DDX46: variants seen among roughly 807,000 people sequenced by gnomAD.
DDX46 encodes the protein probable ATP-dependent RNA helicase DDX46.
Under a neutral mutation model 134.9 loss-of-function variants are expected in DDX46, and 30 were observed. That is an observed-to-expected ratio of 0.22 (90% confidence interval 0.17 to 0.30). The LOEUF (loss-of-function observed/expected upper bound fraction) is 0.30, where lower values mean the gene tolerates loss of function less well. DDX46 is among the 10% of genes least tolerant of loss of function. The probability of loss-of-function intolerance (pLI) is 1.00; values close to 1 mark genes in which losing one functional copy is unlikely to be tolerated. For synonymous variants in DDX46, 415 were observed against 404.1 expected (o/e 1.03, Z -0.32); for missense variants, 622 against 1,248.7 (o/e 0.50, Z 7.56).
Position 134,830,166 on chromosome 5 carries a change from A to G in DDX46, c.*1460A>G, listed in dbSNP as rs968468953. 1 of 149,510 alleles carries G rather than the reference A, an allele frequency of 6.7e-6. No individual in the cohort carries two copies. Among genetic ancestry groups the G allele is most frequent in the African/African-American group, 2.5e-5 (1 of 40,210 alleles). The allele number at this position is 149,510 out of a possible 1,614,324, so 9.3% of individuals were successfully genotyped here. On this transcript the variant is annotated 3_prime_UTR_variant, in exon 23 of 23. Coordinates refer to ENST00000452510, the MANE Select transcript of DDX46 (RefSeq NM_001300860.2). ...AGATTAAACCAACCACAGATCAAAA[A>G]TAGAAAAAAAAAAAAAAAGAAAAAA...
chr5:134,770,816 CAAAAAA>C, intron 3 of DDX46, 81 bp from the exon 4 acceptor site: 1 of 912,732 alleles, frequency 1.1e-6, no homozygotes, highest in Non-Finnish European at 1.5e-6. Context: ...GACACTGTCT[CAAAAAA>C]AAAAAAAAAA....
intron 13 of DDX46, among the ~76,000 whole-genome samples, chr5:134,794,284 C>T (rs1754588660): frequency 6.6e-6 from 1 of 152,164 alleles, no homozygotes; most frequent in Non-Finnish European, 1.5e-5. Flanking sequence ...TGCTACTGTG[C>T]TACCAGCTGA....
At chr5:134,818,395 A>G (rs1264792993) in intron 20 of DDX46, among the ~76,000 whole-genome samples, 1 of 151,174 alleles carries the variant, frequency 6.6e-6, no homozygotes, top group Admixed American at 6.6e-5. Context: ...CGCCCGGCCA[A>G]TAATGATCTC....
At chr5:134,812,224 C>T (rs184727301) in intron 18 of DDX46, among the ~76,000 whole-genome samples, 9 of 152,030 alleles carry the variant, frequency 5.9e-5, no homozygotes, top group Admixed American at 5.9e-4. Flanking sequence ...ACCACCACGC[C>T]TGGCTAATTT....
At chr5:134,782,214 A>G (rs543852459) in intron 8 of DDX46, 128 bp downstream of exon 8, 9 of 1,071,142 alleles carry the variant, frequency 8.4e-6, no homozygotes, top group Non-Finnish European at 1.2e-5. Context: ...AAAATGATCA[A>G]AAATTAATTG....
chr5:134,813,619 G>T (rs200210757), intron 18 of DDX46, among the ~76,000 whole-genome samples: 28 of 151,686 alleles, frequency 1.8e-4, no homozygotes, highest in Middle Eastern at 6.8e-3. Flanking sequence ...TCTTTATGGG[G>T]TTTTTTTTGT....
intron 9 of DDX46, among the ~76,000 whole-genome samples, chr5:134,783,517 C>T (rs1376314131): frequency 6.6e-6 from 1 of 150,616 alleles, no homozygotes; most frequent in Non-Finnish European, 1.5e-5. Context: ...TCCCAAAGTG[C>T]TGGGATGACA....
At chr5:134,788,677 G>C (rs1052494556) in intron 12 of DDX46, 86 bp downstream of exon 12, 3 of 1,217,132 alleles carry the variant, frequency 2.5e-6, no homozygotes, top group Non-Finnish European at 2.4e-6. Flanking sequence ...ACCAACAAAG[G>C]GTTTCTATAT....
intron 1 of DDX46, among the ~76,000 whole-genome samples, chr5:134,761,067 C>T (rs1222522837): frequency 6.6e-6 from 1 of 152,060 alleles, no homozygotes; most frequent in Non-Finnish European, 1.5e-5. Flanking sequence ...GCTCTGTCTC[C>T]CAGGCTGGAG....
intron 16 of DDX46, among the ~76,000 whole-genome samples, chr5:134,808,370 A>G (rs925401862): frequency 6.6e-6 from 1 of 152,200 alleles, no homozygotes; most frequent in Admixed American, 6.5e-5. Context: ...CTTGGGCATC[A>G]TCATCTAACA....
At position 134,828,711 on chromosome 5, in the gene DDX46, C is replaced by T. The variant is rs367653945; in HGVS notation, c.*5C>T. ...GGAAGATACAAAGTCTTATAGACAT[C>T]CGGAAAAAAGATTTTTACCTGTGCT... On this transcript the variant is annotated 3_prime_UTR_variant, in exon 23 of 23. Transcript: ENST00000452510. 5 of 1,499,052 alleles carry T rather than the reference C, an allele frequency of 3.3e-6. No individual in the cohort carries two copies. The South Asian group carries it at 4.4e-5, about 13-fold the overall frequency. The allele number at this position is 1,499,052 out of a possible 1,614,324, so 92.9% of individuals were successfully genotyped here. A position where few individuals can be genotyped will look rare whatever the true frequency, so the allele number is the denominator to read the frequency against.
At chr5:134,764,177 A>G (rs1753485224) in intron 2 of DDX46, 85 bp downstream of exon 2, 6 of 1,402,156 alleles carry the variant, frequency 4.3e-6, no homozygotes, top group Non-Finnish European at 5.7e-6. Context: ...TATGTTTTCA[A>G]CTGGAGTTTG....
At chr5:134,777,839 C>T in intron 6 of DDX46, 114 bp downstream of exon 6, 2 of 1,271,874 alleles carry the variant, frequency 1.6e-6, no homozygotes, top group South Asian at 1.7e-5. Flanking sequence ...TTTCTTTCTC[C>T]TCATCTGAGA....
intron 2 of DDX46, among the ~76,000 whole-genome samples, chr5:134,766,122 G>A (rs1753559444): frequency 1.3e-5 from 2 of 152,216 alleles, no homozygotes; most frequent in Middle Eastern, 6.8e-3. Flanking sequence ...TCAGATTAGT[G>A]ATCTTTTAGT....
intron 21 of DDX46, among the ~76,000 whole-genome samples, chr5:134,823,728 C>T (rs1242636913): frequency 6.6e-6 from 1 of 152,110 alleles, no homozygotes; most frequent in Non-Finnish European, 1.5e-5. Flanking sequence ...GGATTGCTGA[C>T]CCCTGGGTCT....
At chr5:134,818,736 G>C (rs1161529410) in intron 20 of DDX46, 124 bp from the exon 21 acceptor site, 3 of 258,140 alleles carry the variant, frequency 1.2e-5, no homozygotes, top group African/African-American at 7.0e-5. Context: ...TATATATATG[G>C]AGAGAGAGAG....
At position 134,830,173 on chromosome 5, in the gene DDX46, A is replaced by G. The variant is rs1000396314; in HGVS notation, c.*1467A>G. 2.0e-5 allele frequency: 3 copies of G among 150,892 alleles called. No individual in the cohort carries two copies. Among genetic ancestry groups the G allele is most frequent in the African/African-American group, 4.8e-5 (2 of 41,272 alleles). 9.3% of individuals were successfully genotyped at this position (150,892 alleles called of 1,614,324 possible). A position where few individuals can be genotyped will look rare whatever the true frequency, so the allele number is the denominator to read the frequency against. On this transcript the variant is annotated 3_prime_UTR_variant, in exon 23 of 23. Coordinates refer to ENST00000452510, the MANE Select transcript of DDX46 (RefSeq NM_001300860.2). ...ACCAACCACAGATCAAAAATAGAAA[A>G]AAAAAAAAAAAGAAAAAAAGAATGT...
chr5:134,784,906 C>A (rs1754282876), intron 10 of DDX46, among the ~76,000 whole-genome samples: 1 of 152,166 alleles, frequency 6.6e-6, no homozygotes, highest in Non-Finnish European at 1.5e-5. Flanking sequence ...ACATATTTTC[C>A]TAGGTAGTTT....
intron 15 of DDX46, among the ~76,000 whole-genome samples, chr5:134,804,508 G>C (rs569927004): frequency 6.6e-6 from 1 of 152,198 alleles, no homozygotes; most frequent in East Asian, 1.9e-4. Flanking sequence ...CACAATCACA[G>C]CTTACTGTAG....
Sources: gnomAD v4.1 joint callset for allele counts (sites outside exome capture counted in the v4.1 genomes callset) on GRCh38, gnomAD v4.1.1 for gene constraint, MANE v1.5 for transcripts, NCBI Gene and HGNC (gene_info 2026-07-23, HGNC 2026-07-21) for gene names.